LAMA1: variants seen among roughly 807,000 people sequenced by gnomAD.
LAMA1 encodes the protein laminin subunit alpha 1.
A neutral mutation model predicts 348.7 loss-of-function variants in LAMA1; 219 were observed. That is an observed-to-expected ratio of 0.63 (90% CI 0.56 to 0.70). LAMA1 has a LOEUF of 0.70. LAMA1 is among the 30% of genes least tolerant of loss of function. The pLI is 0.00. For missense variants in LAMA1, 3,744 were observed against 3,888.0 expected, an observed-to-expected ratio of 0.96 and a Z score of 0.99; for synonymous variants, 1,487 against 1,491.0, an observed-to-expected ratio of 1.00 and a Z score of 0.06.
chr18:7,106,689 A>AC (rs998501969), intron 1 of LAMA1, among the ~76,000 whole-genome samples: 2 of 151,510 alleles, frequency 1.3e-5, no homozygotes, highest in South Asian at 2.1e-4. Flanking sequence ...AAATGATATG[A>AC]CCCCCACCCC....
At chr18:6,970,888 C>G (rs1419540901) in intron 48 of LAMA1, among the ~76,000 whole-genome samples, 1 of 152,192 alleles carries the variant, frequency 6.6e-6, no homozygotes, top group Non-Finnish European at 1.5e-5. Flanking sequence ...GCTGGGATTA[C>G]AGGCGTGAGC....
At chr18:7,009,946 A>G (rs1444157062) in intron 26 of LAMA1, among the ~76,000 whole-genome samples, 1 of 152,086 alleles carries the variant, frequency 6.6e-6, no homozygotes, top group Non-Finnish European at 1.5e-5. Context: ...AGCTGGGACT[A>G]CAGGTGTGTG....
chr18:6,976,157 T>C, intron 44 of LAMA1, 77 bp from the exon 45 acceptor site: 1 of 1,446,160 alleles, frequency 6.9e-7, no homozygotes, highest in African/African-American at 1.4e-5. Context: ...AACAATGCTA[T>C]TCTGTAATGA....
chr18:7,113,494 C>G (rs188664406), intron 1 of LAMA1, among the ~76,000 whole-genome samples: 20 of 152,292 alleles, frequency 1.3e-4, no homozygotes, highest in Admixed American at 1.3e-3. Context: ...GTGAAAAGGG[C>G]ACACCTTGGA....
At chr18:7,022,128 C>CA (rs1398215496) in intron 19 of LAMA1, among the ~76,000 whole-genome samples, 1 of 152,132 alleles carries the variant, frequency 6.6e-6, no homozygotes, top group East Asian at 1.9e-4. Flanking sequence ...GTTTTCCCCC[C>CA]ATACCATCAT....
chr18:6,958,824 A>C (rs577019246), intron 54 of LAMA1, among the ~76,000 whole-genome samples, 162 bp from the exon 55 acceptor site: 2 of 152,338 alleles, frequency 1.3e-5, no homozygotes, highest in East Asian at 3.9e-4. Context: ...GAATCTTGAA[A>C]ATTAAAACTC....
At chr18:6,948,630 TTCA>T (rs3840904) in intron 59 of LAMA1, 74 bp from the exon 60 acceptor site, 564,209 of 1,551,800 alleles carry the variant, frequency 0.36, 108,303 homozygotes, top group Non-Finnish European at 0.4. Flanking sequence ...TTCCTTCCAC[TTCA>T]TCAGACTGGT....
chr18:7,028,451 T>G (rs2057954099), intron 16 of LAMA1, among the ~76,000 whole-genome samples: 1 of 152,164 alleles, frequency 6.6e-6, no homozygotes, highest in South Asian at 2.1e-4. Flanking sequence ...ACTTCTCACT[T>G]GAAGCCATGT....
At chr18:7,103,719 T>C (rs1428890657) in intron 1 of LAMA1, among the ~76,000 whole-genome samples, 2 of 151,454 alleles carry the variant, frequency 1.3e-5, no homozygotes, top group Non-Finnish European at 2.9e-5. Context: ...CTAGGGAGGC[T>C]GAGGCAGAAG....
At chr18:7,036,398 G>A (rs2057995005) in intron 12 of LAMA1, among the ~76,000 whole-genome samples, 1 of 152,218 alleles carries the variant, frequency 6.6e-6, no homozygotes, top group Non-Finnish European at 1.5e-5. Context: ...ATTTACTTCG[G>A]TTAAGTAATT....
intron 1 of LAMA1, among the ~76,000 whole-genome samples, chr18:7,099,062 G>A (rs1325885918): frequency 6.6e-6 from 1 of 151,854 alleles, no homozygotes; most frequent in South Asian, 2.1e-4. Context: ...GAAATCGGAT[G>A]GTTGCCGTGT....
Position 6,977,826 on chromosome 18 carries a change from A to T in LAMA1, c.6246T>A (p.Phe2082Leu). The change falls in exon 44 of 63, where the codon TTT (phenylalanine) becomes TTA (leucine). Residue 2082 changes from phenylalanine (F) to leucine (L), a missense_variant. This residue lies in a region of LAMA1 where 1,983 missense variants were observed against 1,934.3 expected (regional missense o/e 1.03). Transcript: ENST00000389658. ...KDVEIQANLL[F>L]DRLKPLKMLE... ...ACATCTTCAAAGGCTTCAACCGATC[A>T]AACAAAAGGTTGGCTTGAATTTCCA... 1.2e-6 allele frequency: 2 copies of T among 1,614,180 alleles called. No homozygotes were observed. Among genetic ancestry groups the T allele is most frequent in the East Asian group, 4.5e-5 (2 of 44,886 alleles).
At chr18:6,964,903 T>G (rs533125029) in intron 50 of LAMA1, 100 bp from the exon 51 acceptor site, 12 of 1,323,510 alleles carry the variant, frequency 9.1e-6, no homozygotes, top group South Asian at 2.5e-5. Context: ...TACAAATGCA[T>G]ATTCTTTTAG....
intron 28 of LAMA1, among the ~76,000 whole-genome samples, chr18:7,007,589 T>C (rs971026453): frequency 2.0e-5 from 3 of 152,070 alleles, no homozygotes; most frequent in South Asian, 4.2e-4. Flanking sequence ...CCTCCAAAGA[T>C]GGAAAATACA....
At chr18:7,062,551 G>A (rs958035298) in intron 3 of LAMA1, among the ~76,000 whole-genome samples, 16 of 152,228 alleles carry the variant, frequency 1.1e-4, no homozygotes, top group African/African-American at 3.9e-4. Flanking sequence ...AGGATTGGAT[G>A]TTGGTGCCTG....
chr18:6,955,282 T>A, intron 57 of LAMA1, 71 bp downstream of exon 57: 1 of 1,187,956 alleles, frequency 8.4e-7, no homozygotes, highest in Non-Finnish European at 1.2e-6. Context: ...TGGAAAAGAC[T>A]CTGTGGCTGC....
rs1042862765 is a variant in LAMA1 at position 7,038,126 on chromosome 18, A to C, written c.1564-375T>G. Among the ~76,000 whole-genome samples, 10 of 152,218 alleles carry C rather than the reference A, an allele frequency of 6.6e-5. No individual in the cohort carries two copies. The East Asian group carries it at 1.7e-3, about 26-fold the overall frequency. On this transcript the variant is annotated intron_variant, in intron 11 of 62. Coordinates refer to ENST00000389658, the MANE Select transcript of LAMA1 (RefSeq NM_005559.4). ...TCGTTGCCCCCTGCTTTTTACCCAA[A>C]TGTTGAAAAATGTACAAAGATAACC... is the stretch of plus-strand genomic sequence containing the variant.
chr18:7,043,242 A>C lies in LAMA1; in HGVS notation c.1140T>G (p.Tyr380Ter). The change falls in exon 8 of 63, where the codon TAT (tyrosine) becomes TAG (stop). Residue 380 changes from tyrosine (Y) to a stop codon, truncating the protein, a stop_gained. Transcript: ENST00000389658. LOFTEE classifies it high-confidence loss of function. The part of the protein sequence containing the change: ...GINCETCIDG[Y>*]YRPHKVSPYE... ...ATACTCTTACTTTGTGTGGTCTATA[A>C]TATCCATCAATACAGGTTTCACAGT... The C allele has an allele frequency of 6.2e-7, 1 of 1,614,122 alleles. No individual in the cohort carries two copies. Among genetic ancestry groups the C allele is most frequent in the Non-Finnish European group, 8.5e-7 (1 of 1,180,016 alleles).
At chr18:6,984,568 A>T (rs2057726054) in intron 39 of LAMA1, among the ~76,000 whole-genome samples, 2 of 152,244 alleles carry the variant, frequency 1.3e-5, no homozygotes, top group African/African-American at 2.4e-5. Flanking sequence ...GGACAAAGGC[A>T]TCGGTGGCTT....
Sources: allele counts gnomAD v4.1 joint callset (sites outside exome capture counted in the v4.1 genomes callset), GRCh38; gene constraint gnomAD v4.1.1; regional missense constraint gnomAD v4.1.1; transcripts MANE v1.5; gene names NCBI Gene and HGNC (gene_info 2026-07-23, HGNC 2026-07-21).